The following CRYL1 variants were observed in gnomAD, a reference collection of about 807,000 sequenced individuals.
The protein encoded by CRYL1 is lambda-crystallin homolog.
Under a neutral mutation model 36.6 loss-of-function variants are expected in CRYL1, and 29 were observed. That is an observed-to-expected ratio of 0.79 (90% CI 0.59 to 1.08). The LOEUF is 1.08. Ranked by LOEUF, CRYL1 falls within the 50% of genes least tolerant of loss-of-function variation. The pLI is 0.00. For missense variants in CRYL1, 411 were observed against 407.9 expected, an observed-to-expected ratio of 1.01 and a Z score of -0.06; for synonymous variants, 152 against 151.5, an observed-to-expected ratio of 1.00 and a Z score of -0.02.
At chr13:20,429,903 C>T (rs780090739) in intron 5 of CRYL1, among the ~76,000 whole-genome samples, 4 of 152,172 alleles carry the variant, frequency 2.6e-5, no homozygotes, top group African/African-American at 7.2e-5. Context: ...AATGCTGGCA[C>T]GCTGGTTGTG....
Position 20,506,025 on chromosome 13 carries a change from G to A in CRYL1, c.149+6418C>T, listed in dbSNP as rs1328565079. 5.3e-5 allele frequency among the ~76,000 whole-genome samples: 8 copies of A among 152,124 alleles called. No individual in the cohort carries two copies. The South Asian group carries it at 6.2e-4, about 12-fold the overall frequency. On this transcript the variant is annotated intron_variant, in intron 2 of 7. Coordinates refer to ENST00000298248, the MANE Select transcript of CRYL1 (RefSeq NM_015974.3). ...TCCTTTTACCTTGGACTCTCTGTGC[G>A]GGAATGGTACATTTGAAGATCTTGC...
chr13:20,420,701 T>TTTTTTTTTTTTGTGTG lies in CRYL1; in HGVS notation c.634-7315_634-7314insCACACAAAAAAAAAAA. On this transcript the variant is annotated intron_variant, in intron 5 of 7. Transcript: ENST00000298248. ...CTTTGACTTTTCTTTAAAATAGAGG[T>TTTTTTTTTTTTGTGTG]TGTGTGTGTGTGTGTGTGTGTGTGT... Among the ~76,000 whole-genome samples the TTTTTTTTTTTTGTGTG allele has an allele frequency of 1.1e-3, 23 of 21,874 alleles. 5 individuals carry two copies. Among genetic ancestry groups the TTTTTTTTTTTTGTGTG allele is most frequent in the African/African-American group, 1.5e-3 (14 of 9,520 alleles). The allele number at this position is 21,874 out of a possible 152,430, so 14.4% of individuals were successfully genotyped here.
chr13:20,430,754 G>C (rs376641395), intron 5 of CRYL1: 1 of 985,376 alleles, frequency 1.0e-6, no homozygotes, highest in Non-Finnish European at 1.2e-6. Flanking sequence ...AAAAAGCTGA[G>C]ATTGCCTGTA....
intron 1 of CRYL1, among the ~76,000 whole-genome samples, chr13:20,521,452 TCCCCAATA>T (rs1196623019): frequency 4.6e-5 from 7 of 152,114 alleles, no homozygotes; most frequent in Admixed American, 4.6e-4. Context: ...TCAGTATTGT[TCCCCAATA>T]CTACCTTACA....
intron 3 of CRYL1, among the ~76,000 whole-genome samples, chr13:20,442,101 A>T (rs1317907795): frequency 6.6e-6 from 1 of 152,224 alleles, no homozygotes; most frequent in Non-Finnish European, 1.5e-5. Flanking sequence ...AAAGCCAGAG[A>T]CGAAGAATGA....
chr13:20,410,461 C>G (rs1315421988), intron 6 of CRYL1, among the ~76,000 whole-genome samples: 2 of 150,766 alleles, frequency 1.3e-5, no homozygotes, highest in Non-Finnish European at 3.0e-5. Context: ...TGCAGCGCAC[C>G]AGCATGGCAC....
At chr13:20,452,154 GA>G (rs1472217260) in intron 3 of CRYL1, among the ~76,000 whole-genome samples, 1 of 150,206 alleles carries the variant, frequency 6.7e-6, no homozygotes, top group Non-Finnish European at 1.5e-5. Flanking sequence ...GAGAGGGAGA[GA>G]GTTGAAAAAC....
intron 3 of CRYL1, among the ~76,000 whole-genome samples, chr13:20,482,756 T>TGTGC (rs889135517): frequency 6.6e-5 from 10 of 151,738 alleles, no homozygotes; most frequent in African/African-American, 2.4e-4. Context: ...TGTGTGTGTG[T>TGTGC]GCGCGCGTGT....
intron 2 of CRYL1, among the ~76,000 whole-genome samples, chr13:20,500,080 A>G (rs1229385525): frequency 6.6e-6 from 1 of 152,234 alleles, no homozygotes; most frequent in African/African-American, 2.4e-5. Flanking sequence ...GGAAACACTG[A>G]TGTGTTCACA....
chr13:20,474,245 G>A (rs1394494919), intron 3 of CRYL1, among the ~76,000 whole-genome samples: 1 of 152,102 alleles, frequency 6.6e-6, no homozygotes, highest in Admixed American at 6.6e-5. Flanking sequence ...CATCATAGTG[G>A]CCTTTAAAGG....
intron 3 of CRYL1, among the ~76,000 whole-genome samples, chr13:20,468,216 T>A (rs1032999092): frequency 6.6e-6 from 1 of 152,242 alleles, no homozygotes; most frequent in Non-Finnish European, 1.5e-5. Context: ...GAAATTTTTT[T>A]AAGGCGTTAA....
intron 1 of CRYL1, among the ~76,000 whole-genome samples, 188 bp from the exon 2 acceptor site, chr13:20,512,738 G>A (rs1471932109): frequency 3.3e-5 from 5 of 152,156 alleles, no homozygotes; most frequent in Non-Finnish European, 7.4e-5. Flanking sequence ...TCATGTGAAA[G>A]CTGAAAACAT....
chr13:20,432,378 C>G, intron 4 of CRYL1, 82 bp from the exon 5 acceptor site: 1 of 922,686 alleles, frequency 1.1e-6, no homozygotes. Flanking sequence ...TGGTCAGGAG[C>G]AGCAGATGCA....
chr13:20,473,708 G>A (rs928508687), intron 3 of CRYL1, among the ~76,000 whole-genome samples: 14 of 152,240 alleles, frequency 9.2e-5, no homozygotes, highest in African/African-American at 3.4e-4. Flanking sequence ...CAACACAGGT[G>A]TAAAAGCTGA....
intron 5 of CRYL1, among the ~76,000 whole-genome samples, chr13:20,416,332 G>A (rs2031663405): frequency 2.0e-5 from 3 of 152,184 alleles, no homozygotes; most frequent in Admixed American, 2.0e-4. Context: ...GGCATCACGG[G>A]GGCTGGGGGA....
rs527356490 is a variant in CRYL1, at chr13:20,520,104, G to A, written c.41+5650C>T. 3.3e-5 allele frequency among the ~76,000 whole-genome samples: 5 copies of A among 152,282 alleles called. No homozygotes were observed. The South Asian group carries it at 1.0e-3, about 32-fold the overall frequency. On this transcript the variant is annotated intron_variant, in intron 1 of 7. Transcript: ENST00000298248. ...AATTGTTGAAGTTGAGGGGGTGGGG[G>A]AAGGTACTTTAAGGTTCATTGCACT...
intron 5 of CRYL1, among the ~76,000 whole-genome samples, chr13:20,420,247 C>T (rs975927096): frequency 5.3e-5 from 8 of 152,296 alleles, no homozygotes; most frequent in East Asian, 1.9e-4. Flanking sequence ...GTCAGCGCTC[C>T]GGGGAAAGAA....
chr13:20,470,222 C>T lies in CRYL1; in HGVS notation c.276+19148G>A, dbSNP rs114536450. Among the ~76,000 whole-genome samples the T allele has an allele frequency of 4.0e-3, 613 of 152,328 alleles. 3 individuals carry two copies. The highest frequency in any genetic ancestry group is 0.014 in the African/African-American group (596 of 41,566). Reference sequence around the variant, plus strand: ...ACCTCCCTTCTGGTTCATGGAAAGCCTCTGCCCCACTGCCGCGACTCAGGC... The same window carrying T: ...ACCTCCCTTCTGGTTCATGGAAAGCTTCTGCCCCACTGCCGCGACTCAGGC... On this transcript the variant is annotated intron_variant, in intron 3 of 7. Transcript: ENST00000298248.
At chr13:20,483,179 G>T (rs1450075912) in intron 3 of CRYL1, among the ~76,000 whole-genome samples, 1 of 152,122 alleles carries the variant, frequency 6.6e-6, no homozygotes, top group African/African-American at 2.4e-5. Context: ...CAAAATAGAA[G>T]ATTTATAGTG....
Sources: allele counts gnomAD v4.1 joint callset (sites outside exome capture counted in the v4.1 genomes callset), GRCh38; gene constraint gnomAD v4.1.1; transcripts MANE v1.5; gene names NCBI Gene and HGNC (gene_info 2026-07-23, HGNC 2026-07-21).